AFG2A: variants seen among roughly 807,000 people sequenced by gnomAD.
AFG2A encodes AAA ATPase AFG2A, also known as ATPase family gene 2 protein homolog A.
chr4:122,977,107 T>A, the AFG2A span, among the ~76,000 whole-genome samples: 1 of 152,204 alleles, frequency 6.6e-6, no homozygotes, highest in African/African-American at 2.4e-5. Flanking sequence ...TTGGGTTTTT[T>A]AATATTTTTA....
the AFG2A span, chr4:122,979,311 T>G: frequency 6.2e-7 from 1 of 1,614,230 alleles, no homozygotes; most frequent in South Asian, 1.1e-5. Context: ...TGAAGATTAC[T>G]CTGAAGGATT....
chr4:123,083,247 TG>T, the AFG2A span, among the ~76,000 whole-genome samples: 1 of 152,160 alleles, frequency 6.6e-6, no homozygotes, highest in African/African-American at 2.4e-5. Flanking sequence ...CCATTAAGTG[TG>T]ATGTTAGCTG....
chr4:123,166,613 G>T, the AFG2A span, among the ~76,000 whole-genome samples: 1 of 152,120 alleles, frequency 6.6e-6, no homozygotes, highest in Non-Finnish European at 1.5e-5. Flanking sequence ...AACTTGTTTG[G>T]ATCTATGGAT....
chr4:123,058,275 G>A, the AFG2A span, among the ~76,000 whole-genome samples: 3 of 152,234 alleles, frequency 2.0e-5, no homozygotes, highest in African/African-American at 7.2e-5. Flanking sequence ...ACATCTCTTA[G>A]GTGGTGACAG....
At chr4:123,280,189 A>T in the AFG2A span, among the ~76,000 whole-genome samples, 218 of 152,146 alleles carry the variant, frequency 1.4e-3, 1 homozygote, top group African/African-American at 5.0e-3. Context: ...CCTATCTGAG[A>T]CTCTGTAAAA....
the AFG2A span, chr4:123,315,020 T>C: frequency 6.6e-6 from 1 of 151,976 alleles, no homozygotes; most frequent in Non-Finnish European, 1.5e-5. Context: ...CCTCCCAAAG[T>C]GCTGGGATTA....
the AFG2A span, among the ~76,000 whole-genome samples, chr4:123,017,187 GA>G: frequency 1.2e-4 from 7 of 57,446 alleles, no homozygotes; most frequent in African/African-American, 6.9e-4. Context: ...GGGGGAGAGG[GA>G]AAGGGAGAGG....
At chr4:123,251,479 C>T in the AFG2A span, among the ~76,000 whole-genome samples, 4 of 152,090 alleles carry the variant, frequency 2.6e-5, no homozygotes, top group African/African-American at 9.7e-5. Flanking sequence ...CCCCAGATTT[C>T]AGCGCAGTTT....
At chr4:123,252,306 G>A in the AFG2A span, among the ~76,000 whole-genome samples, 5 of 152,124 alleles carry the variant, frequency 3.3e-5, no homozygotes, top group Admixed American at 2.0e-4. Flanking sequence ...GGAACTCTAA[G>A]TATGAACATG....
the AFG2A span, among the ~76,000 whole-genome samples, chr4:123,000,096 C>G: frequency 6.7e-6 from 1 of 149,524 alleles, no homozygotes; most frequent in South Asian, 2.1e-4. Context: ...CATGATTTGG[C>G]TCTCTGTTTG....
chr4:123,204,655 C>T, the AFG2A span, among the ~76,000 whole-genome samples: 1 of 152,162 alleles, frequency 6.6e-6, no homozygotes, highest in Non-Finnish European at 1.5e-5. Context: ...TGTGAGAAAC[C>T]TTATAAAATT....
chr4:123,118,669 T>C, the AFG2A span, among the ~76,000 whole-genome samples: 36 of 151,920 alleles, frequency 2.4e-4, no homozygotes, highest in Non-Finnish European at 3.2e-4. Flanking sequence ...AAAGTGGGAT[T>C]GTTGTGTTAT....
At chr4:123,255,715 C>CTTT in the AFG2A span, among the ~76,000 whole-genome samples, 293 of 103,842 alleles carry the variant, frequency 2.8e-3, 16 homozygotes, top group Non-Finnish European at 3.9e-3. Context: ...TACTGCTTTT[C>CTTT]TATTTTTTTT....
At chr4:123,268,207 A>T in the AFG2A span, among the ~76,000 whole-genome samples, 1 of 152,096 alleles carries the variant, frequency 6.6e-6, no homozygotes, top group African/African-American at 2.4e-5. Context: ...GGAGCAGATG[A>T]AAAGAGAGAC....
At chr4:123,013,514 C>T in the AFG2A span, among the ~76,000 whole-genome samples, 2 of 152,274 alleles carry the variant, frequency 1.3e-5, no homozygotes, top group African/African-American at 2.4e-5. Flanking sequence ...CCAAACACTG[C>T]ATGTTCTCAC....
chr4:123,237,113 T>C, the AFG2A span, among the ~76,000 whole-genome samples: 5 of 152,234 alleles, frequency 3.3e-5, no homozygotes, highest in African/African-American at 1.2e-4. Flanking sequence ...GTAAATATTT[T>C]AGACTTTATA....
chr4:123,189,973 AT>A, the AFG2A span, among the ~76,000 whole-genome samples: 1 of 150,734 alleles, frequency 6.6e-6, no homozygotes, highest in Non-Finnish European at 1.5e-5. Context: ...TGGCTAATTT[AT>A]TTTTTTTAAG....
At chr4:122,960,125 T>C in the AFG2A span, among the ~76,000 whole-genome samples, 3 of 152,218 alleles carry the variant, frequency 2.0e-5, no homozygotes, top group African/African-American at 7.2e-5. Context: ...TTTGAAATGT[T>C]TTATCTCAAA....
At chr4:123,167,460 TC>T in the AFG2A span, among the ~76,000 whole-genome samples, 1 of 151,890 alleles carries the variant, frequency 6.6e-6, no homozygotes, top group African/African-American at 2.4e-5. Flanking sequence ...CCATTCTCCT[TC>T]CTCAGTCTCC....
Sources: allele counts gnomAD v4.1 joint callset (sites outside exome capture counted in the v4.1 genomes callset), GRCh38; gene constraint gnomAD v4.1.1; transcripts MANE v1.5; gene names NCBI Gene and HGNC (gene_info 2026-07-23, HGNC 2026-07-21).